DLG2: variants seen among roughly 807,000 people sequenced by gnomAD.
The protein encoded by DLG2 is disks large homolog 2.
A neutral mutation model predicts 132.5 loss-of-function variants in DLG2; 45 were observed. The ratio of observed to expected loss-of-function variants is 0.34; its 90% CI spans 0.27 to 0.44. The LOEUF (loss-of-function observed/expected upper bound fraction) is 0.44, where lower values mean the gene tolerates loss of function less well. DLG2 is among the 20% of genes least tolerant of loss of function. The pLI is 1.00. For synonymous variants in DLG2, 424 were observed against 419.6 expected (o/e 1.01, Z -0.13); for missense variants, 1,045 against 1,196.9 (o/e 0.87, Z 1.87).
chr11:84,032,788 T>G (rs1393270214), intron 11 of DLG2, among the ~76,000 whole-genome samples: 1 of 152,050 alleles, frequency 6.6e-6, no homozygotes, highest in Non-Finnish European at 1.5e-5. Flanking sequence ...CTGGTAAGGG[T>G]TTATGGAGCT....
At chr11:83,626,782 T>C (rs1455282598) in intron 19 of DLG2, among the ~76,000 whole-genome samples, 1 of 152,182 alleles carries the variant, frequency 6.6e-6, no homozygotes, top group Non-Finnish European at 1.5e-5. Flanking sequence ...AGTCTTTCTA[T>C]CATGTGGCTT....
At chr11:84,123,736 A>C (rs1239488047) in intron 9 of DLG2, among the ~76,000 whole-genome samples, 1 of 152,236 alleles carries the variant, frequency 6.6e-6, no homozygotes, top group Non-Finnish European at 1.5e-5. Flanking sequence ...ATAGCGGCCC[A>C]AAAGGCAACT....
chr11:84,512,484 C>G (rs2099259731), intron 7 of DLG2, among the ~76,000 whole-genome samples: 3 of 152,124 alleles, frequency 2.0e-5, no homozygotes, highest in Admixed American at 2.0e-4. Context: ...CTGCAACTGA[C>G]TTGAAGCTCC....
intron 3 of DLG2, among the ~76,000 whole-genome samples, chr11:85,525,935 T>C (rs1265849168): frequency 1.3e-5 from 2 of 152,158 alleles, no homozygotes; most frequent in Non-Finnish European, 2.9e-5. Flanking sequence ...CAGTTATCAG[T>C]ACATGAACGA....
At chr11:85,589,103 C>T (rs980330637) in intron 3 of DLG2, among the ~76,000 whole-genome samples, 1 of 152,200 alleles carries the variant, frequency 6.6e-6, no homozygotes, top group African/African-American at 2.4e-5. Flanking sequence ...CTGTGAGAGT[C>T]CTTGGTTGTA....
intron 7 of DLG2, among the ~76,000 whole-genome samples, chr11:84,524,601 C>G (rs2099314482): frequency 6.6e-6 from 1 of 152,200 alleles, no homozygotes; most frequent in Non-Finnish European, 1.5e-5. Flanking sequence ...AAATCTGTTT[C>G]TTCCTCAAGA....
At chr11:83,643,232 A>G (rs1402139938) in intron 18 of DLG2, among the ~76,000 whole-genome samples, 1 of 152,212 alleles carries the variant, frequency 6.6e-6, no homozygotes, top group African/African-American at 2.4e-5. Flanking sequence ...TCAAAAGTGG[A>G]ATTAGATTCC....
intron 7 of DLG2, among the ~76,000 whole-genome samples, chr11:84,412,889 C>A (rs533188352): frequency 6.6e-5 from 10 of 152,322 alleles, no homozygotes; most frequent in African/African-American, 2.4e-4. Flanking sequence ...GGAATGTATA[C>A]TTCTCTAAGA....
At chr11:85,530,327 A>AC (rs1555174124) in intron 3 of DLG2, among the ~76,000 whole-genome samples, 1 of 133,224 alleles carries the variant, frequency 7.5e-6, no homozygotes, top group Non-Finnish European at 1.6e-5. Context: ...TATTTTATTT[A>AC]TTTTTTTTTT....
intron 11 of DLG2, among the ~76,000 whole-genome samples, chr11:83,987,719 C>T (rs4943884): frequency 0.67 from 102,370 of 151,812 alleles, 36,023 homozygotes; most frequent in Non-Finnish European, 0.79. Context: ...AAGACTTAAA[C>T]GTTAGACCTA....
At chr11:84,461,162 T>C (rs1461028895) in intron 7 of DLG2, among the ~76,000 whole-genome samples, 1 of 150,954 alleles carries the variant, frequency 6.6e-6, no homozygotes, top group African/African-American at 2.4e-5. Flanking sequence ...GTAGGAGTTA[T>C]TGCTATTACT....
At chr11:83,481,196 G>T (rs897362397) in intron 22 of DLG2, among the ~76,000 whole-genome samples, 1 of 152,052 alleles carries the variant, frequency 6.6e-6, no homozygotes, top group South Asian at 2.1e-4. Context: ...TGACTTGCTT[G>T]CACAGCAATA....
At chr11:84,941,263 G>T (rs1313737731) in intron 6 of DLG2, among the ~76,000 whole-genome samples, 1 of 152,166 alleles carries the variant, frequency 6.6e-6, no homozygotes, top group Admixed American at 6.5e-5. Context: ...ATTTCTGTGA[G>T]AATGTCATTG....
intron 2 of DLG2, among the ~76,000 whole-genome samples, chr11:85,619,502 A>G (rs1278680854): frequency 2.0e-5 from 3 of 152,120 alleles, no homozygotes; most frequent in Non-Finnish European, 4.4e-5. Context: ...ATGGCTGTGA[A>G]GAGATTAAAA....
intron 21 of DLG2, among the ~76,000 whole-genome samples, chr11:83,510,347 A>C (rs11233649): frequency 0.62 from 94,280 of 151,830 alleles, 29,853 homozygotes; most frequent in African/African-American, 0.73. Context: ...AGACTCAGAG[A>C]GTAAGAGGTC....
At chr11:85,609,485 G>A (rs2080835215) in intron 2 of DLG2, among the ~76,000 whole-genome samples, 1 of 152,206 alleles carries the variant, frequency 6.6e-6, no homozygotes. Flanking sequence ...TCAGAAAATG[G>A]AGCAGGCCAA....
At chr11:83,583,404 T>C (rs555665673) in intron 19 of DLG2, among the ~76,000 whole-genome samples, 1 of 152,144 alleles carries the variant, frequency 6.6e-6, no homozygotes, top group Non-Finnish European at 1.5e-5. Context: ...AGTCCATTAT[T>C]AGGGGCAGTG....
At chr11:84,807,261 C>T (rs953056309) in intron 6 of DLG2, among the ~76,000 whole-genome samples, 6 of 152,058 alleles carry the variant, frequency 3.9e-5, no homozygotes, top group African/African-American at 9.7e-5. Context: ...GCCTGGCTAA[C>T]GTGGTGAAAC....
chr11:83,987,757 T>G (rs1412460199), intron 11 of DLG2, among the ~76,000 whole-genome samples: 2 of 152,118 alleles, frequency 1.3e-5, no homozygotes, highest in East Asian at 3.9e-4. Flanking sequence ...GAAGAAAACC[T>G]AGGCATTACC....
Sources: gnomAD v4.1 joint callset for allele counts (sites outside exome capture counted in the v4.1 genomes callset) on GRCh38, gnomAD v4.1.1 for gene constraint, MANE v1.5 for transcripts, NCBI Gene and HGNC (gene_info 2026-07-23, HGNC 2026-07-21) for gene names.